The following GUCY1A2 variants were observed in gnomAD, a reference collection of about 807,000 sequenced individuals.
GUCY1A2 encodes guanylate cyclase soluble subunit alpha-2.
Under a neutral mutation model 63.5 loss-of-function variants are expected in GUCY1A2, and 27 were observed. The observed-to-expected ratio is 0.43, with a 90% CI of 0.31 to 0.59. GUCY1A2 has a LOEUF of 0.59. Among genes scored for constraint, GUCY1A2 ranks in the 20% least tolerant of loss-of-function variants. The pLI is 0.11. For missense variants in GUCY1A2, 768 were observed against 913.3 expected (o/e 0.84, Z 2.05); for synonymous variants, 364 against 343.5 (o/e 1.06, Z -0.66).
intron 4 of GUCY1A2, among the ~76,000 whole-genome samples, chr11:106,844,645 G>A (rs1859247104): frequency 1.3e-5 from 2 of 151,664 alleles, no homozygotes; most frequent in African/African-American, 4.8e-5. Context: ...TTAAGCCTGT[G>A]GTCAAAGCAG....
intron 7 of GUCY1A2, among the ~76,000 whole-genome samples, chr11:106,698,284 A>ATTT (rs113286447): frequency 6.3e-5 from 9 of 142,312 alleles, no homozygotes; most frequent in African/African-American, 2.4e-4. Context: ...ATGTCTGGGG[A>ATTT]TTTTTTTTTT....
chr11:106,948,204 A>C (rs1041369208), intron 3 of GUCY1A2, among the ~76,000 whole-genome samples: 6 of 152,146 alleles, frequency 3.9e-5, no homozygotes, highest in African/African-American at 1.4e-4. Flanking sequence ...AATTAAAATC[A>C]CTCAATTCTT....
intron 3 of GUCY1A2, among the ~76,000 whole-genome samples, chr11:106,959,131 A>C (rs1008782501): frequency 6.6e-6 from 1 of 152,202 alleles, no homozygotes; most frequent in African/African-American, 2.4e-5. Context: ...ACACTGAGCT[A>C]TGTTTGTCAT....
Position 106,684,556 on chromosome 11 carries a change from C to T in GUCY1A2, c.*2993G>A. ...TTTTGTTAGATAACTGATTTATTTG[C>T]AAATGATGACATTCTCTCCATCAAA... On this transcript the variant is annotated 3_prime_UTR_variant, in exon 8 of 8. Coordinates refer to ENST00000526355, the MANE Select transcript of GUCY1A2 (RefSeq NM_000855.3). 1 of 197,514 alleles carries T rather than the reference C, an allele frequency of 5.1e-6. No homozygotes were observed. The allele number at this position is 197,514 out of a possible 1,614,324, so 12.2% of individuals were successfully genotyped here.
At chr11:106,821,208 C>A (rs930569750) in intron 4 of GUCY1A2, among the ~76,000 whole-genome samples, 1 of 152,076 alleles carries the variant, frequency 6.6e-6, no homozygotes, top group Non-Finnish European at 1.5e-5. Flanking sequence ...TGCAAATTTT[C>A]CAAATATGAA....
intron 3 of GUCY1A2, among the ~76,000 whole-genome samples, chr11:106,977,743 T>C (rs1861280953): frequency 6.6e-6 from 1 of 152,134 alleles, no homozygotes; most frequent in Non-Finnish European, 1.5e-5. Flanking sequence ...CTATTGTCCA[T>C]CACCTGACCC....
rs923708903 is a variant in GUCY1A2, at chr11:106,930,334, C to CT, written c.1206+9125dup. Among the ~76,000 whole-genome samples the CT allele has an allele frequency of 5.3e-5, 8 of 152,136 alleles. No individual in the cohort carries two copies. In the South Asian group the frequency reaches 8.3e-4, roughly 16 times the overall value. ...GAAGTCCTGCTACAGAGACTGCATT[C>CT]TTTTTTTTGAGACAGAGTCTCGCTC... On this transcript the variant is annotated intron_variant, in intron 4 of 7. Coordinates refer to ENST00000526355, the MANE Select transcript of GUCY1A2 (RefSeq NM_000855.3).
At chr11:106,926,675 T>C (rs927115842) in intron 4 of GUCY1A2, among the ~76,000 whole-genome samples, 4 of 151,946 alleles carry the variant, frequency 2.6e-5, no homozygotes, top group South Asian at 2.1e-4. Context: ...TAATTTAAAT[T>C]GTTATATGAT....
At chr11:106,894,998 A>G (rs757600292) in intron 4 of GUCY1A2, among the ~76,000 whole-genome samples, 34 of 152,332 alleles carry the variant, frequency 2.2e-4, no homozygotes, top group Middle Eastern at 3.4e-3. Flanking sequence ...AAAACTAATA[A>G]GCCTCTAGCC....
chr11:106,743,834 T>G (rs1863738988), intron 6 of GUCY1A2, among the ~76,000 whole-genome samples: 1 of 152,184 alleles, frequency 6.6e-6, no homozygotes, highest in Admixed American at 6.5e-5. Flanking sequence ...ATGTATAAAG[T>G]GGCACTGAGT....
At chr11:106,750,128 T>G (rs1427416812) in intron 6 of GUCY1A2, among the ~76,000 whole-genome samples, 4 of 152,068 alleles carry the variant, frequency 2.6e-5, no homozygotes, top group Non-Finnish European at 4.4e-5. Flanking sequence ...CTGACAGCCC[T>G]GGGGAAGCCA....
intron 4 of GUCY1A2, among the ~76,000 whole-genome samples, chr11:106,908,710 T>C (rs1860249085): frequency 6.6e-6 from 1 of 152,034 alleles, no homozygotes; most frequent in Non-Finnish European, 1.5e-5. Context: ...AAGAACACTT[T>C]AACAGCATAA....
At chr11:106,870,572 G>A (rs1297112194) in intron 4 of GUCY1A2, among the ~76,000 whole-genome samples, 1 of 151,962 alleles carries the variant, frequency 6.6e-6, no homozygotes, top group Non-Finnish European at 1.5e-5. Flanking sequence ...CCCTTCCTTT[G>A]AAAGAGCTTG....
In GUCY1A2 at chr11:106,814,257, T is replaced by C. The variant is rs148577522; in HGVS notation, c.1207-3779A>G. ...AACAAAAAATGGGCACTTCTAGATT[T>C]GGTTTCTGGTCTTTCAGATCCCTGC... On this transcript the variant is annotated intron_variant, in intron 4 of 7. Transcript: ENST00000526355. Among the ~76,000 whole-genome samples, 87 of 152,214 alleles carry C rather than the reference T, an allele frequency of 5.7e-4. 1 individual carries two copies. The highest frequency in any genetic ancestry group is 2.0e-3 in the African/African-American group (85 of 41,542).
chr11:106,810,849 CATCT>C (rs1858753095), intron 4 of GUCY1A2, among the ~76,000 whole-genome samples: 1 of 151,986 alleles, frequency 6.6e-6, no homozygotes, highest in African/African-American at 2.4e-5. Flanking sequence ...ATGGTAAATC[CATCT>C]GTCAAAATAA....
intron 6 of GUCY1A2, among the ~76,000 whole-genome samples, chr11:106,764,510 C>T (rs1174251009): frequency 2.6e-5 from 4 of 152,022 alleles, no homozygotes; most frequent in Non-Finnish European, 5.9e-5. Flanking sequence ...ATAGAGATAA[C>T]ATCTAATCCA....
intron 4 of GUCY1A2, among the ~76,000 whole-genome samples, chr11:106,882,319 T>A (rs1228258951): frequency 6.6e-6 from 1 of 152,006 alleles, no homozygotes; most frequent in Admixed American, 6.6e-5. Flanking sequence ...AGGACTTACA[T>A]TATGCAAAAT....
rs1861846285 is a variant in GUCY1A2, at chr11:107,017,844, G to A, written c.212C>T (p.Ala71Val). The A allele has an allele frequency of 1.6e-6, 2 of 1,247,758 alleles. No homozygotes were observed. The highest frequency in any genetic ancestry group is 3.1e-5 in the East Asian group (1 of 31,814). 77.3% of individuals were successfully genotyped at this position (1,247,758 alleles called of 1,614,324 possible). A position where few individuals can be genotyped will look rare whatever the true frequency, so the allele number is the denominator to read the frequency against. ...CACCCTCCTGGCCCCGGCAGTGGCA[G>A]CGGCGGCGGCGGCAGAAGCAGCCGG... ...PTPAASAAAAAATAGARRVQR... is the reference protein window; with the variant it reads ...PTPAASAAAAVATAGARRVQR... The change falls in exon 1 of 8, where the codon GCT becomes GTT. Residue 71 changes from alanine to valine, a missense_variant. Ala to Val is a moderately conservative substitution (Grantham distance 64). Around this residue, in one of 3 missense-constraint regions of GUCY1A2, gnomAD observed 496 missense variants for 486.9 expected, o/e 1.02. Coordinates refer to ENST00000526355, the MANE Select transcript of GUCY1A2 (RefSeq NM_000855.3).
intron 6 of GUCY1A2, among the ~76,000 whole-genome samples, chr11:106,748,644 A>G (rs1863832007): frequency 6.6e-6 from 1 of 152,204 alleles, no homozygotes; most frequent in Non-Finnish European, 1.5e-5. Flanking sequence ...TTTCTTAAGA[A>G]TTGAGTCTTT....
Sources: gnomAD v4.1 joint callset for allele counts (sites outside exome capture counted in the v4.1 genomes callset) on GRCh38, gnomAD v4.1.1 for gene constraint, gnomAD v4.1.1 regional missense constraint, MANE v1.5 for transcripts, NCBI Gene and HGNC (gene_info 2026-07-23, HGNC 2026-07-21) for gene names.